SHISA9: variants seen among roughly 807,000 people sequenced by gnomAD.
SHISA9 encodes the protein shisa family member 9, also known as protein shisa-9.
A neutral mutation model predicts 38.0 loss-of-function variants in SHISA9; 13 were observed. The ratio of observed to expected loss-of-function variants is 0.34; its 90% CI spans 0.22 to 0.54. SHISA9 has a LOEUF of 0.54. SHISA9 is among the 20% of genes least tolerant of loss of function. SHISA9 has a pLI of 0.91. For synonymous variants in SHISA9, 275 were observed against 242.0 expected (o/e 1.14, Z -1.27); for missense variants, 538 against 575.8 (o/e 0.93, Z 0.67).
chr16:13,549,953 G>A, the SHISA9 span, among the ~76,000 whole-genome samples: 1 of 151,524 alleles, frequency 6.6e-6, no homozygotes. Flanking sequence ...AACCCAGGAG[G>A]CAGAGGTTGC....
chr16:13,256,988 A>G, the SHISA9 span, among the ~76,000 whole-genome samples: 1 of 152,204 alleles, frequency 6.6e-6, no homozygotes, highest in Non-Finnish European at 1.5e-5. Context: ...ATGTTCATCT[A>G]TGCCAACCTC....
At chr16:13,398,455 T>C in the SHISA9 span, among the ~76,000 whole-genome samples, 1 of 152,010 alleles carries the variant, frequency 6.6e-6, no homozygotes, top group Non-Finnish European at 1.5e-5. Context: ...CGTCTTCCAC[T>C]TGATCTCATG....
the SHISA9 span, among the ~76,000 whole-genome samples, chr16:13,320,000 G>C: frequency 6.6e-6 from 1 of 151,972 alleles, no homozygotes; most frequent in African/African-American, 2.4e-5. Flanking sequence ...AGGTTAGAAA[G>C]TAGGCAAAAC....
the SHISA9 span, among the ~76,000 whole-genome samples, chr16:13,255,183 T>G: frequency 6.6e-6 from 1 of 152,142 alleles, no homozygotes; most frequent in Non-Finnish European, 1.5e-5. Context: ...TGACTATATC[T>G]TTCTCCTTCA....
At chr16:13,338,587 G>A in the SHISA9 span, among the ~76,000 whole-genome samples, 15 of 152,132 alleles carry the variant, frequency 9.9e-5, no homozygotes, top group African/African-American at 3.6e-4. Context: ...GATTTTATTT[G>A]GAAGTCTGGC....
the SHISA9 span, among the ~76,000 whole-genome samples, chr16:13,463,111 G>A: frequency 6.6e-6 from 1 of 152,216 alleles, no homozygotes; most frequent in Non-Finnish European, 1.5e-5. Flanking sequence ...AGCTGTGATA[G>A]TGCCATTGCA....
chr16:13,148,009 T>G (rs914923430), intron 2 of SHISA9, among the ~76,000 whole-genome samples: 3 of 152,140 alleles, frequency 2.0e-5, no homozygotes, highest in Non-Finnish European at 4.4e-5. Context: ...CTAATAGATC[T>G]CTGCAAATAT....
At chr16:13,370,077 A>C in the SHISA9 span, among the ~76,000 whole-genome samples, 1 of 152,148 alleles carries the variant, frequency 6.6e-6, no homozygotes. Context: ...TAAAAATAAA[A>C]ATAAAATACA....
At chr16:13,443,995 C>T in the SHISA9 span, among the ~76,000 whole-genome samples, 164 of 152,300 alleles carry the variant, frequency 1.1e-3, no homozygotes, top group African/African-American at 3.8e-3. Flanking sequence ...TAGCCATCTC[C>T]CAGGATCTGT....
At chr16:13,560,247 A>G in the SHISA9 span, among the ~76,000 whole-genome samples, 28 of 152,316 alleles carry the variant, frequency 1.8e-4, no homozygotes, top group East Asian at 1.2e-3. Context: ...AAGAGCTTCT[A>G]TGGTCCAGCA....
At chr16:12,902,662 TTCGC>T (rs1368467243) in intron 1 of SHISA9, 35 bp downstream of exon 1, 1 of 1,505,144 alleles carries the variant, frequency 6.6e-7, no homozygotes, top group Non-Finnish European at 8.9e-7. Context: ...CCCTCGGGGC[TTCGC>T]TCTCCCTGCT....
the SHISA9 span, among the ~76,000 whole-genome samples, chr16:13,559,910 T>C: frequency 6.6e-6 from 1 of 152,176 alleles, no homozygotes; most frequent in African/African-American, 2.4e-5. Context: ...ACTGGAAAGA[T>C]TGACTTGATT....
chr16:13,292,262 T>C, the SHISA9 span, among the ~76,000 whole-genome samples: 12,878 of 151,930 alleles, frequency 0.085, 1,711 homozygotes, highest in African/African-American at 0.28. Flanking sequence ...GTCTTGACTA[T>C]TGCTTTTAAA....
chr16:13,120,266 G>A (rs1381486998), intron 2 of SHISA9, among the ~76,000 whole-genome samples: 1 of 152,180 alleles, frequency 6.6e-6, no homozygotes. Context: ...TGATAGTAGT[G>A]CAGTGAAAGC....
At chr16:13,259,833 C>G in the SHISA9 span, among the ~76,000 whole-genome samples, 1 of 146,630 alleles carries the variant, frequency 6.8e-6, no homozygotes, top group African/African-American at 2.5e-5. Context: ...ACCATTATTT[C>G]CTCCCAGGCC....
At chr16:13,056,318 G>A (rs1182028215) in intron 2 of SHISA9, among the ~76,000 whole-genome samples, 3 of 152,190 alleles carry the variant, frequency 2.0e-5, no homozygotes, top group Non-Finnish European at 4.4e-5. Context: ...ATTTTACAGG[G>A]TGGAGGCAAA....
chr16:13,384,601 T>G, the SHISA9 span, among the ~76,000 whole-genome samples: 1 of 152,136 alleles, frequency 6.6e-6, no homozygotes, highest in Non-Finnish European at 1.5e-5. Context: ...CAAACATCTT[T>G]CAGGGTGGGG....
At chr16:13,474,063 A>C in the SHISA9 span, 2 of 152,214 alleles carry the variant, frequency 1.3e-5, no homozygotes, top group East Asian at 3.9e-4. Context: ...GGAAGATAGA[A>C]GGGCCCTGGG....
chr16:13,248,883 G>T, the SHISA9 span, among the ~76,000 whole-genome samples: 5 of 152,166 alleles, frequency 3.3e-5, no homozygotes, highest in African/African-American at 1.2e-4. Flanking sequence ...TTTAGGCAAC[G>T]CCACAGAGAG....
Sources: gnomAD v4.1 joint callset for allele counts (sites outside exome capture counted in the v4.1 genomes callset) on GRCh38, gnomAD v4.1.1 for gene constraint, MANE v1.5 for transcripts, NCBI Gene and HGNC (gene_info 2026-07-23, HGNC 2026-07-21) for gene names.